PAXBP1: variants seen among roughly 807,000 people sequenced by gnomAD.
PAXBP1 encodes the protein PAX3 and PAX7 binding protein 1, also known as PAX3- and PAX7-binding protein 1.
In PAXBP1, 44 loss-of-function variants were observed where a neutral mutation model predicts 119.9. The observed-to-expected ratio is 0.37, with a 90% CI of 0.29 to 0.47. The LOEUF is 0.47. PAXBP1 is among the 20% of genes least tolerant of loss of function. The probability of loss-of-function intolerance (pLI) is 0.99; values close to 1 mark genes in which losing one functional copy is unlikely to be tolerated. For missense variants in PAXBP1, 898 were observed against 1,134.1 expected (o/e 0.79, Z 2.99); for synonymous variants, 393 against 406.6 (o/e 0.97, Z 0.40).
chr21:32,769,508 G>A (rs1189966442), intron 2 of PAXBP1, among the ~76,000 whole-genome samples: 1 of 152,158 alleles, frequency 6.6e-6, no homozygotes, highest in Non-Finnish European at 1.5e-5. Flanking sequence ...ATAAACCTGT[G>A]TCTTAGGCTA....
intron 8 of PAXBP1, among the ~76,000 whole-genome samples, chr21:32,753,832 C>G (rs1335088724): frequency 6.6e-6 from 1 of 152,160 alleles, no homozygotes; most frequent in Non-Finnish European, 1.5e-5. Context: ...TCCATATTCT[C>G]AAGAACAAAT....
intron 7 of PAXBP1, among the ~76,000 whole-genome samples, chr21:32,758,653 A>C (rs2044082742): frequency 6.6e-6 from 1 of 151,158 alleles, no homozygotes; most frequent in African/African-American, 2.4e-5. Flanking sequence ...GTAAAAAAAA[A>C]AAAAAAAAAA....
chr21:32,757,966 C>T (rs1399578343), intron 7 of PAXBP1, among the ~76,000 whole-genome samples: 1 of 152,190 alleles, frequency 6.6e-6, no homozygotes, highest in African/African-American at 2.4e-5. Context: ...GGTATCATAA[C>T]TCAGACTGCA....
chr21:32,760,111 T>C, intron 5 of PAXBP1, 117 bp from the exon 6 acceptor site: 2 of 731,962 alleles, frequency 2.7e-6, no homozygotes, highest in East Asian at 2.7e-5. Flanking sequence ...AAATATTATG[T>C]AATAATTGCA....
chr21:32,744,261 A>G (rs1417593350), intron 13 of PAXBP1, among the ~76,000 whole-genome samples: 2 of 106,486 alleles, frequency 1.9e-5, no homozygotes, highest in Non-Finnish European at 4.1e-5. Flanking sequence ...CTGATGAGCT[A>G]AAAAAAAAAA....
intron 7 of PAXBP1, among the ~76,000 whole-genome samples, chr21:32,757,334 C>A (rs2044059494): frequency 9.7e-6 from 1 of 103,418 alleles, no homozygotes; most frequent in African/African-American, 4.5e-5. Context: ...CTAAGCTGAG[C>A]AGTACTCTTA....
chr21:32,762,984 A>G (rs1294862834), intron 3 of PAXBP1, among the ~76,000 whole-genome samples: 1 of 151,898 alleles, frequency 6.6e-6, no homozygotes, highest in African/African-American at 2.4e-5. Flanking sequence ...ATATAATCTC[A>G]TGACCCTGAA....
chr21:32,738,856 TTA>T (rs1468062990), intron 15 of PAXBP1, among the ~76,000 whole-genome samples: 1 of 152,166 alleles, frequency 6.6e-6, no homozygotes, highest in Non-Finnish European at 1.5e-5. Flanking sequence ...CCATAAAAAC[TTA>T]TAGTTTCCCA....
chr21:32,739,750 C>CA (rs1381771573), intron 15 of PAXBP1, among the ~76,000 whole-genome samples: 1 of 151,084 alleles, frequency 6.6e-6, no homozygotes, highest in South Asian at 2.1e-4. Flanking sequence ...ACTAAAAATA[C>CA]AAAAAAGTAG....
chr21:32,758,644 TAAA>T (rs138934420), intron 7 of PAXBP1, among the ~76,000 whole-genome samples: 56 of 104,066 alleles, frequency 5.4e-4, no homozygotes, highest in African/African-American at 7.2e-4. Flanking sequence ...TCATCCAGGG[TAAA>T]AAAAAAAAAA....
At chr21:32,737,860 C>A (rs2043715311) in intron 16 of PAXBP1, among the ~76,000 whole-genome samples, 1 of 152,072 alleles carries the variant, frequency 6.6e-6, no homozygotes, top group South Asian at 2.1e-4. Context: ...TTGGCCCAGA[C>A]TGAGGTTAAG....
At chr21:32,746,702 A>G (rs1233549132) in intron 11 of PAXBP1, among the ~76,000 whole-genome samples, 1 of 152,236 alleles carries the variant, frequency 6.6e-6, no homozygotes, top group East Asian at 1.9e-4. Flanking sequence ...CTAGAAGCAG[A>G]AATGCCATTT....
chr21:32,762,906 C>T (rs11702356), intron 3 of PAXBP1, among the ~76,000 whole-genome samples: 10,544 of 137,892 alleles, frequency 0.076, 502 homozygotes, highest in Non-Finnish European at 0.11. Flanking sequence ...AGCACAACTC[C>T]GTCTCAAAAA....
intron 16 of PAXBP1, 48 bp from the exon 17 acceptor site, chr21:32,737,456 T>C: frequency 6.6e-7 from 1 of 1,510,828 alleles, no homozygotes. Flanking sequence ...CAGAATAAAT[T>C]AAAGTATTAA....
intron 7 of PAXBP1, chr21:32,756,257 G>A (rs548762357): frequency 1.9e-6 from 1 of 533,666 alleles, no homozygotes; most frequent in African/African-American, 1.9e-5. Flanking sequence ...ACACATACCT[G>A]AGGAAACCAG....
At position 32,737,149 on chromosome 21, in the gene PAXBP1, C is replaced by T; in HGVS notation, c.2636+105G>A. 2 of 947,632 alleles carry T rather than the reference C, an allele frequency of 2.1e-6. 1 individual carries two copies. Among genetic ancestry groups the T allele is most frequent in the Middle Eastern group, 7.2e-4 (2 of 2,770 alleles). 58.7% of individuals were successfully genotyped at this position (947,632 alleles called of 1,614,324 possible). A position where few individuals can be genotyped will look rare whatever the true frequency, so the allele number is the denominator to read the frequency against. On this transcript the variant is annotated intron_variant, in intron 17 of 17. Transcript: ENST00000331923. Reference sequence around the variant, plus strand: ...TGGTAGGTTTATAATACTAAGTGAACATACAATTTAAACTAAAATATAAAC... The same window carrying T: ...TGGTAGGTTTATAATACTAAGTGAATATACAATTTAAACTAAAATATAAAC...
chr21:32,752,791 C>T (rs1009641960), intron 8 of PAXBP1, among the ~76,000 whole-genome samples: 2 of 152,084 alleles, frequency 1.3e-5, no homozygotes, highest in Non-Finnish European at 2.9e-5. Context: ...TACAGGCACC[C>T]GCCACCAGCT....
chr21:32,765,705 ATT>A (rs988965767), intron 2 of PAXBP1, among the ~76,000 whole-genome samples: 37 of 144,404 alleles, frequency 2.6e-4, no homozygotes, highest in Non-Finnish European at 1.1e-4. Flanking sequence ...AGGCTCTTTC[ATT>A]TTTTTTCTTT....
At chr21:32,740,599 A>C (rs1334311982) in intron 15 of PAXBP1, among the ~76,000 whole-genome samples, 1 of 152,248 alleles carries the variant, frequency 6.6e-6, no homozygotes, top group Non-Finnish European at 1.5e-5. Flanking sequence ...AATTAACCTG[A>C]AAAGAGTCAC....
Sources: gnomAD v4.1 joint callset for allele counts (sites outside exome capture counted in the v4.1 genomes callset) on GRCh38, gnomAD v4.1.1 for gene constraint, MANE v1.5 for transcripts, NCBI Gene and HGNC (gene_info 2026-07-23, HGNC 2026-07-21) for gene names.